LEF1: variants seen among roughly 807,000 people sequenced by gnomAD.
LEF1 encodes lymphoid enhancer-binding factor 1.
A neutral mutation model predicts 51.2 loss-of-function variants in LEF1; 14 were observed. The observed-to-expected ratio is 0.27, with a 90% CI of 0.18 to 0.43. LEF1 has a LOEUF of 0.43. LEF1 is among the 20% of genes least tolerant of loss of function. The pLI is 1.00. For synonymous variants in LEF1, 185 were observed against 183.2 expected, an observed-to-expected ratio of 1.01 and a Z score of -0.08; for missense variants, 386 against 512.0, an observed-to-expected ratio of 0.75 and a Z score of 2.37.
At chr4:108,055,188 C>T (rs1293342347) in intron 11 of LEF1, among the ~76,000 whole-genome samples, 2 of 152,132 alleles carry the variant, frequency 1.3e-5, no homozygotes, top group Non-Finnish European at 2.9e-5. Context: ...TTTCCTGGTT[C>T]CTAAATCCAC....
intron 4 of LEF1, among the ~76,000 whole-genome samples, chr4:108,085,330 C>T (rs1338276322): frequency 6.6e-6 from 1 of 152,290 alleles, no homozygotes; most frequent in Non-Finnish European, 1.5e-5. Flanking sequence ...GTGATCCGCC[C>T]GCCTCGTCCT....
Position 108,126,869 on chromosome 4 carries a change from A to ATGTGTG in LEF1, c.414+36693_414+36698dup, listed in dbSNP as rs34301406. 1.2e-3 allele frequency among the ~76,000 whole-genome samples: 171 copies of ATGTGTG among 146,538 alleles called. 2 individuals are homozygous for ATGTGTG. Among genetic ancestry groups the ATGTGTG allele is most frequent in the African/African-American group, 3.6e-3 (144 of 39,598 alleles). On this transcript the variant is annotated intron_variant, in intron 3 of 11. Coordinates refer to ENST00000265165, the MANE Select transcript of LEF1 (RefSeq NM_016269.5). ...TTCATTTACTCTATTATTTACTGAT[A>ATGTGTG]TGTGTGTGTGTGTGTGTGTGTGTGT...
chr4:108,085,228 A>G (rs1739570096), intron 4 of LEF1, among the ~76,000 whole-genome samples: 1 of 152,200 alleles, frequency 6.6e-6, no homozygotes, highest in African/African-American at 2.4e-5. Context: ...AGCCAGGTAT[A>G]TAGGCGCGTG....
intron 3 of LEF1, among the ~76,000 whole-genome samples, chr4:108,116,516 T>C (rs1226834399): frequency 6.6e-6 from 1 of 152,092 alleles, no homozygotes; most frequent in Non-Finnish European, 1.5e-5. Flanking sequence ...AGCAAGACTG[T>C]CTCAAACAAA....
At chr4:108,119,495 T>C (rs1286987965) in intron 3 of LEF1, among the ~76,000 whole-genome samples, 2 of 152,102 alleles carry the variant, frequency 1.3e-5, no homozygotes, top group Non-Finnish European at 2.9e-5. Flanking sequence ...AGTATTATGG[T>C]AATGTACAAA....
intron 3 of LEF1, among the ~76,000 whole-genome samples, chr4:108,112,275 G>A (rs1741580022): frequency 6.6e-6 from 1 of 152,204 alleles, no homozygotes; most frequent in African/African-American, 2.4e-5. Flanking sequence ...TGTAAGCAGA[G>A]GTCCAAGGAC....
rs1292534732 is a variant in LEF1, at chr4:108,070,900, C to G, written c.1009-130G>C. On this transcript the variant is annotated intron_variant, in intron 8 of 11. Coordinates refer to ENST00000265165, the MANE Select transcript of LEF1 (RefSeq NM_016269.5). ...TGATTTATTTTTAAATTGCAGAAGA[C>G]CAAGTGCCAAGTGCCGTAGAAATCT... 23 of 648,022 alleles carry G rather than the reference C, an allele frequency of 3.5e-5. No homozygotes were observed. The East Asian group carries it at 6.4e-4, about 18-fold the overall frequency. The allele number at this position is 648,022 out of a possible 1,614,324, so 40.1% of individuals were successfully genotyped here. A position where few individuals can be genotyped will look rare whatever the true frequency, so the allele number is the denominator to read the frequency against.
Position 108,078,208 on chromosome 4 carries a change from T to G in LEF1, c.1008+12A>C. The G allele has an allele frequency of 6.2e-7, 1 of 1,613,374 alleles. No individual in the cohort carries two copies. Among genetic ancestry groups the G allele is most frequent in the Non-Finnish European group, 8.5e-7 (1 of 1,179,650 alleles). On this transcript the variant is annotated intron_variant, in intron 8 of 11. Coordinates refer to ENST00000265165, the MANE Select transcript of LEF1 (RefSeq NM_016269.5). ...GCTACCATGAACATTTACACATGACTCGGCTACTTACCCTTCTGCCAAGAA... is the reference window on the plus strand; with the variant it reads ...GCTACCATGAACATTTACACATGACGCGGCTACTTACCCTTCTGCCAAGAA...
Position 108,089,257 on chromosome 4 carries a change from A to G in LEF1, c.415T>C (p.Ser139Pro). Residue 139 changes from serine to proline, a missense_variant and splice_region_variant, in exon 4 of 12, where the codon TCA (serine) becomes CCA (proline). Ser to Pro is a moderately conservative substitution (Grantham distance 74, BLOSUM62 -1). Around this residue, in one of 2 missense-constraint regions of LEF1, gnomAD observed 335 missense variants for 390.7 expected, o/e 0.86. Coordinates refer to ENST00000265165, the MANE Select transcript of LEF1 (RefSeq NM_016269.5). ...GGCTGCACCACGGGCACTTTATTTG[A>G]CTGCAAAGTAACCACAAGGTCAATA... is the stretch of plus-strand genomic sequence containing the variant. The part of the protein sequence containing the change: ...GSLSPPIPRT[S>P]NKVPVVQPSH... 1 of 1,613,124 alleles carries G rather than the reference A, an allele frequency of 6.2e-7. No individual in the cohort carries two copies.
intron 8 of LEF1, among the ~76,000 whole-genome samples, chr4:108,073,185 G>C (rs943135507): frequency 6.6e-6 from 1 of 152,152 alleles, no homozygotes; most frequent in Non-Finnish European, 1.5e-5. Context: ...CAGTGGTTCA[G>C]GACCAGCCTG....
chr4:108,058,231 C>T (rs6819308), intron 11 of LEF1, among the ~76,000 whole-genome samples: 7,360 of 152,052 alleles, frequency 0.048, 605 homozygotes, highest in African/African-American at 0.16. Context: ...TCATGTCATA[C>T]AACTAAAAGA....
intron 3 of LEF1, among the ~76,000 whole-genome samples, chr4:108,142,762 A>T (rs944605466): frequency 2.0e-5 from 3 of 152,200 alleles, no homozygotes; most frequent in Non-Finnish European, 4.4e-5. Flanking sequence ...TGTCTGCCCT[A>T]ATCAATATTA....
chr4:108,150,015 TC>T, intron 3 of LEF1, among the ~76,000 whole-genome samples: 1 of 152,102 alleles, frequency 6.6e-6, no homozygotes, highest in African/African-American at 2.4e-5. Context: ...TCCTAATGTC[TC>T]CTTAGAAAGA....
At chr4:108,074,455 T>C (rs954543843) in intron 8 of LEF1, among the ~76,000 whole-genome samples, 2 of 152,184 alleles carry the variant, frequency 1.3e-5, no homozygotes, top group African/African-American at 2.4e-5. Context: ...TATTATTATT[T>C]ATAATATGGA....
chr4:108,077,392 G>T (rs1442117496), intron 8 of LEF1, among the ~76,000 whole-genome samples: 1 of 151,746 alleles, frequency 6.6e-6, no homozygotes, highest in African/African-American at 2.4e-5. Context: ...GAGGTGAGGG[G>T]CACCTCTGCC....
intron 4 of LEF1, among the ~76,000 whole-genome samples, chr4:108,088,445 G>A (rs919496242): frequency 2.6e-5 from 4 of 152,216 alleles, no homozygotes; most frequent in Non-Finnish European, 5.9e-5. Context: ...CCTGAGTGAT[G>A]GGACCAGAAG....
chr4:108,132,936 G>A (rs1742995200), intron 3 of LEF1, among the ~76,000 whole-genome samples: 1 of 151,760 alleles, frequency 6.6e-6, no homozygotes, highest in Non-Finnish European at 1.5e-5. Flanking sequence ...CTCCCAAAGT[G>A]TTGGGATTAC....
intron 3 of LEF1, among the ~76,000 whole-genome samples, chr4:108,135,634 C>T (rs190367975): frequency 3.3e-5 from 5 of 152,254 alleles, no homozygotes; most frequent in Admixed American, 6.5e-5. Flanking sequence ...TAGGCAACAA[C>T]GCCCTGCTTT....
intron 3 of LEF1, among the ~76,000 whole-genome samples, chr4:108,099,610 AT>A (rs1247833043): frequency 8.2e-6 from 1 of 122,688 alleles, no homozygotes; most frequent in East Asian, 2.3e-4. Flanking sequence ...ATATATATAT[AT>A]ATATATAAAT....
Sources: gnomAD v4.1 joint callset for allele counts (sites outside exome capture counted in the v4.1 genomes callset) on GRCh38, gnomAD v4.1.1 for gene constraint, gnomAD v4.1.1 regional missense constraint, MANE v1.5 for transcripts, NCBI Gene and HGNC (gene_info 2026-07-23, HGNC 2026-07-21) for gene names.